ZNF254: variants seen among roughly 807,000 people sequenced by gnomAD.
ZNF254 encodes the protein CTD-2017D11.1.
Under a neutral mutation model 12.4 loss-of-function variants are expected in ZNF254, and 10 were observed. That is an observed-to-expected ratio of 0.80 (90% CI 0.50 to 1.36). ZNF254 has a LOEUF of 1.36. Ranked by LOEUF, ZNF254 falls within the 40% of genes most tolerant of loss-of-function variation. ZNF254 has a pLI of 0.00. For synonymous variants in ZNF254, 305 were observed against 253.4 expected, an observed-to-expected ratio of 1.20 and a Z score of -1.93; for missense variants, 996 against 763.9, an observed-to-expected ratio of 1.30 and a Z score of -3.58.
intron 1 of ZNF254, chr19:24,046,164 G>A (rs1970375505): frequency 2.0e-5 from 3 of 151,752 alleles, no homozygotes; most frequent in Non-Finnish European, 4.4e-5. Context: ...TTAATCATCT[G>A]ACTTTTTATT....
intron 3 of ZNF254, chr19:24,107,358 G>T: frequency 4.7e-6 from 2 of 423,920 alleles, no homozygotes; most frequent in East Asian, 3.6e-5. Flanking sequence ...ATTTATTAGT[G>T]TCCTCTCTAA....
At chr19:24,084,109 G>A (rs1347196644), upstream of ZNF254, among the ~76,000 whole-genome samples, 2 of 149,248 alleles carry the variant, frequency 1.3e-5, no homozygotes, top group Non-Finnish European at 1.5e-5. Flanking sequence ...CAACTAATGA[G>A]TGGAAAAGGA....
At chr19:24,056,901 C>G (rs916807148) in intron 2 of ZNF254, among the ~76,000 whole-genome samples, 6 of 152,172 alleles carry the variant, frequency 3.9e-5, no homozygotes, top group African/African-American at 1.4e-4. Flanking sequence ...TGACATATCC[C>G]TGGCCTATTA....
intron 2 of ZNF254, among the ~76,000 whole-genome samples, chr19:24,063,194 G>A (rs189655451): frequency 3.3e-5 from 5 of 152,298 alleles, no homozygotes; most frequent in African/African-American, 1.2e-4. Flanking sequence ...CAACATGCAG[G>A]AAGTGTTGAC....
At chr19:24,049,698 G>A (rs1277049066) in intron 2 of ZNF254, 1 of 152,028 alleles carries the variant, frequency 6.6e-6, no homozygotes, top group Admixed American at 6.6e-5. Context: ...CCACACATAG[G>A]TTATGTGACT....
At chr19:24,081,528 C>T (rs1359926096) in intron 2 of ZNF254, among the ~76,000 whole-genome samples, 1 of 152,058 alleles carries the variant, frequency 6.6e-6, no homozygotes, top group East Asian at 1.9e-4. Context: ...GGAATAAATT[C>T]CCTGTTTAAT....
At chr19:24,035,216 G>T in intron 1 of ZNF254, among the ~76,000 whole-genome samples, 1 of 148,444 alleles carries the variant, frequency 6.7e-6, no homozygotes, top group East Asian at 2.1e-4. Flanking sequence ...TAGGCAGGCG[G>T]GCACTGGCGT....
chr19:24,063,569 C>A (rs938167043), intron 2 of ZNF254, among the ~76,000 whole-genome samples: 7 of 152,166 alleles, frequency 4.6e-5, no homozygotes, highest in Admixed American at 6.5e-5. Flanking sequence ...TGTAACACTT[C>A]ATCCTGGACC....
rs144283935 is a variant in ZNF254 at position 24,093,081 on chromosome 19, C to T, written c.30+5744C>T. Among the ~76,000 whole-genome samples the T allele has an allele frequency of 7.3e-3, 1,091 of 149,864 alleles. 19 individuals carry two copies. Among genetic ancestry groups the T allele is most frequent in the African/African-American group, 0.025 (1,015 of 41,150 alleles). On this transcript the variant is annotated intron_variant, in intron 1 of 3. Transcript: ENST00000357002. ...AGGCATTTTATTATATGTGTGTTAGCCACATGTTTGTCTTCTTTTGAAAAG... is the reference window on the plus strand; with the variant it reads ...AGGCATTTTATTATATGTGTGTTAGTCACATGTTTGTCTTCTTTTGAAAAG...
chr19:24,106,913 T>C (rs1443015168), intron 3 of ZNF254: 2 of 407,660 alleles, frequency 4.9e-6, no homozygotes, highest in African/African-American at 4.1e-5. Flanking sequence ...GTGTACAATC[T>C]GACTTCTTTT....
At chr19:24,125,818 A>T (rs1192802382) in intron 3 of ZNF254, among the ~76,000 whole-genome samples, 3 of 152,194 alleles carry the variant, frequency 2.0e-5, no homozygotes, top group Non-Finnish European at 4.4e-5. Context: ...ACTTTATGTC[A>T]TGAGAGACAG....
rs1974890410 is a variant in ZNF254 at position 24,126,858 on chromosome 19, A to G, written c.858A>G (p.Ile286Met). Residue 286 changes from isoleucine (I) to methionine (M), a missense_variant, in exon 4 of 4, where the codon ATA (isoleucine) becomes ATG (methionine). By Grantham distance (10) the Ile-to-Met change is conservative (BLOSUM62 1). Coordinates refer to ENST00000357002, the MANE Select transcript of ZNF254 (RefSeq NM_203282.4). ...CCTCAAATCTTACTACACATAAGATAATTCATACTGGAGAGAAACCTTACA... is the reference window on the plus strand; with the variant it reads ...CCTCAAATCTTACTACACATAAGATGATTCATACTGGAGAGAAACCTTACA... ...NRSSNLTTHK[I>M]IHTGEKPYKC... is the part of the protein sequence containing the mutation. 6.2e-7 allele frequency: 1 copy of G among 1,613,480 alleles called. No individual in the cohort carries two copies. Among genetic ancestry groups the G allele is most frequent in the Non-Finnish European group, 8.5e-7 (1 of 1,179,820 alleles).
chr19:24,069,522 T>C (rs1971403504), intron 2 of ZNF254, among the ~76,000 whole-genome samples: 1 of 148,696 alleles, frequency 6.7e-6, no homozygotes, highest in Non-Finnish European at 1.5e-5. Flanking sequence ...GGAGAATTGC[T>C]TGAACCCAGG....
intron 3 of ZNF254, among the ~76,000 whole-genome samples, chr19:24,114,174 CTACTT>C (rs1451986454): frequency 1.3e-5 from 2 of 152,184 alleles, no homozygotes; most frequent in Non-Finnish European, 2.9e-5. Flanking sequence ...TTGGAAAAAA[CTACTT>C]TAAAGTTCAC....
chr19:24,078,126 C>T (rs970791071), intron 2 of ZNF254, among the ~76,000 whole-genome samples: 10 of 152,188 alleles, frequency 6.6e-5, no homozygotes, highest in African/African-American at 2.4e-4. Context: ...GCAACCCTGC[C>T]TCTTGAGTTC....
Position 24,127,922 on chromosome 19 carries a change from G to C in ZNF254, c.1922G>C (p.Arg641Pro). Reference sequence around the variant, plus strand: ...GAAAAATTTGGCAAAGCCTTTAATCGGTCCTCGCACCTCACCACAGATAAG... The same window carrying C: ...GAAAAATTTGGCAAAGCCTTTAATCCGTCCTCGCACCTCACCACAGATAAG... ...KWEKFGKAFN[R>P]SSHLTTDKIT... The change falls in exon 4 of 4, where the codon CGG (arginine) becomes CCG (proline). Residue 641 changes from arginine (R) to proline (P), a missense_variant. By Grantham distance (103) the Arg-to-Pro change is moderately radical. Transcript: ENST00000357002. The C allele has an allele frequency of 6.2e-7, 1 of 1,607,902 alleles. No individual in the cohort carries two copies.
intron 1 of ZNF254, among the ~76,000 whole-genome samples, chr19:24,041,930 C>T (rs1211831786): frequency 2.6e-5 from 4 of 151,346 alleles, no homozygotes; most frequent in African/African-American, 9.7e-5. Flanking sequence ...GTCTTTATAT[C>T]TAGCTCAGGG....
At chr19:24,107,135 A>G in intron 3 of ZNF254, 1 of 542,772 alleles carries the variant, frequency 1.8e-6, no homozygotes, top group South Asian at 2.6e-5. Flanking sequence ...AGTACAAAGT[A>G]GGATGTCCTT....
chr19:24,102,876 T>C (rs932777699), intron 1 of ZNF254, among the ~76,000 whole-genome samples: 1 of 152,200 alleles, frequency 6.6e-6, no homozygotes, highest in Admixed American at 6.5e-5. Context: ...ATTTAGATTT[T>C]ATTCCATGCA....
Sources: gnomAD v4.1 joint callset for allele counts (sites outside exome capture counted in the v4.1 genomes callset) on GRCh38, gnomAD v4.1.1 for gene constraint, MANE v1.5 for transcripts, NCBI Gene and HGNC (gene_info 2026-07-23, HGNC 2026-07-21) for gene names.